Variants in FAR2 observed in about 807,000 individuals in gnomAD.
FAR2 encodes fatty acyl-CoA reductase 2, also known as epididymis secretory protein Li 81.
FAR2 carries 19 observed loss-of-function variants against 56.0 expected under a neutral mutation model. The ratio of observed to expected loss-of-function variants is 0.34; its 90% CI spans 0.24 to 0.50. The LOEUF is 0.50. Ranked by LOEUF, FAR2 falls within the 20% of genes least tolerant of loss-of-function variation. The pLI, the probability that FAR2 is intolerant of heterozygous loss-of-function variation, is 0.98. For missense variants in FAR2, 508 were observed against 642.2 expected (o/e 0.79, Z 2.26); for synonymous variants, 219 against 218.8 (o/e 1.00, Z -0.01).
At chr12:29,281,889 A>C (rs1317300461) in intron 2 of FAR2, among the ~76,000 whole-genome samples, 1 of 152,184 alleles carries the variant, frequency 6.6e-6, no homozygotes, top group African/African-American at 2.4e-5. Context: ...TTGGGTAATA[A>C]ATTTGTTATT....
chr12:29,191,221 A>G (rs1367050037), intron 1 of FAR2, among the ~76,000 whole-genome samples: 1 of 152,242 alleles, frequency 6.6e-6, no homozygotes, highest in African/African-American at 2.4e-5. Flanking sequence ...TCAGATAAAC[A>G]GGCCAGATCT....
chr12:29,199,872 G>A (rs182965586), intron 1 of FAR2, among the ~76,000 whole-genome samples: 4 of 152,272 alleles, frequency 2.6e-5, no homozygotes, highest in Admixed American at 2.0e-4. Flanking sequence ...TAAGATGGTG[G>A]CATTAATCAG....
intron 1 of FAR2, among the ~76,000 whole-genome samples, chr12:29,263,364 C>T (rs1948456761): frequency 6.6e-6 from 1 of 152,120 alleles, no homozygotes; most frequent in Non-Finnish European, 1.5e-5. Context: ...CTCCTCAGAA[C>T]ATGGATCATT....
intron 2 of FAR2, 150 bp downstream of exon 2, chr12:29,270,788 G>A (rs986715513): frequency 1.0e-5 from 6 of 583,024 alleles, no homozygotes; most frequent in Non-Finnish European, 1.3e-5. Flanking sequence ...GCAACAAGCT[G>A]CTGGTGGAAA....
chr12:29,301,315 C>T (rs1298963407), intron 4 of FAR2, among the ~76,000 whole-genome samples: 1 of 152,164 alleles, frequency 6.6e-6, no homozygotes, highest in African/African-American at 2.4e-5. Flanking sequence ...ATCCCAGCCA[C>T]CGGTTCCCAT....
intron 1 of FAR2, among the ~76,000 whole-genome samples, chr12:29,213,320 A>G (rs1591856480): frequency 1.3e-5 from 2 of 152,162 alleles, no homozygotes; most frequent in African/African-American, 2.4e-5. Context: ...GCCATAGAAC[A>G]TTAATAGAAA....
At chr12:29,174,513 C>T (rs1045677894) in intron 1 of FAR2, among the ~76,000 whole-genome samples, 2 of 145,314 alleles carry the variant, frequency 1.4e-5, no homozygotes, top group Admixed American at 1.4e-4. Context: ...CTCGGCCTCC[C>T]CAGTTCATGC....
intron 8 of FAR2, among the ~76,000 whole-genome samples, 189 bp downstream of exon 8, chr12:29,312,139 G>A (rs1386764330): frequency 6.6e-6 from 1 of 152,178 alleles, no homozygotes; most frequent in Non-Finnish European, 1.5e-5. Flanking sequence ...AAAGAAAGGA[G>A]TCAGTGGCAA....
Position 29,335,145 on chromosome 12 carries a change from A to G in FAR2, c.*1351A>G, listed in dbSNP as rs1949778500. On this transcript the variant is annotated 3_prime_UTR_variant, in exon 12 of 12. Transcript: ENST00000536681. Reference sequence around the variant, plus strand: ...GCATAAAATGTTAATAAAGAATGGCAGTTATATTTATGCTCACTTCCTGGA... The same window carrying G: ...GCATAAAATGTTAATAAAGAATGGCGGTTATATTTATGCTCACTTCCTGGA... The G allele has an allele frequency of 6.6e-6, 1 of 152,220 alleles. No individual in the cohort carries two copies. Among genetic ancestry groups the G allele is most frequent in the African/African-American group, 2.4e-5 (1 of 41,468 alleles). The allele number at this position is 152,220 out of a possible 1,614,324, so 9.4% of individuals were successfully genotyped here. A position where few individuals can be genotyped will look rare whatever the true frequency, so the allele number is the denominator to read the frequency against.
At chr12:29,186,685 A>T (rs1950043449) in intron 1 of FAR2, among the ~76,000 whole-genome samples, 1 of 152,052 alleles carries the variant, frequency 6.6e-6, no homozygotes. Context: ...TTCATTATTT[A>T]TGTAGGATAG....
intron 1 of FAR2, among the ~76,000 whole-genome samples, chr12:29,195,340 G>A (rs192804191): frequency 6.6e-6 from 1 of 152,250 alleles, no homozygotes; most frequent in Non-Finnish European, 1.5e-5. Flanking sequence ...TAACAAACTG[G>A]ATGACAGTGT....
intron 1 of FAR2, among the ~76,000 whole-genome samples, chr12:29,176,841 GAAAA>G (rs58670584): frequency 0.48 from 72,059 of 151,682 alleles, 18,307 homozygotes; most frequent in Admixed American, 0.61. Flanking sequence ...GGAGAAAAGG[GAAAA>G]AAAGGAAACT....
At chr12:29,316,630 G>C (rs956193566) in intron 8 of FAR2, among the ~76,000 whole-genome samples, 2 of 152,106 alleles carry the variant, frequency 1.3e-5, no homozygotes, top group African/African-American at 4.8e-5. Context: ...TTCAACTAAA[G>C]AATCCAATTA....
At chr12:29,266,179 A>G (rs1482072095) in intron 1 of FAR2, among the ~76,000 whole-genome samples, 1 of 152,208 alleles carries the variant, frequency 6.6e-6, no homozygotes, top group Non-Finnish European at 1.5e-5. Flanking sequence ...ATGAAAGGAA[A>G]TCAGTGTATC....
rs1199416070 is a variant in FAR2 at position 29,175,439 on chromosome 12, AGGTG to A, written c.-39+26034_-39+26037del. On this transcript the variant is annotated intron_variant, in intron 1 of 11. Coordinates refer to ENST00000536681, the MANE Select transcript of FAR2 (RefSeq NM_001271783.2). ...TCACGGCAAGTGTTACAGCTCTTAA[AGGTG>A]GTGTGGACCCAAAGAGTGAGCAGCA... Among the ~76,000 whole-genome samples, 3 of 152,348 alleles carry A rather than the reference AGGTG, an allele frequency of 2.0e-5. No individual in the cohort carries two copies. In the East Asian group the frequency reaches 5.8e-4, roughly 29 times the overall value.
At chr12:29,238,024 C>T (rs1947967294) in intron 1 of FAR2, among the ~76,000 whole-genome samples, 1 of 152,046 alleles carries the variant, frequency 6.6e-6, no homozygotes, top group African/African-American at 2.4e-5. Flanking sequence ...CAAGATAGGC[C>T]ACTGGATTTT....
intron 1 of FAR2, among the ~76,000 whole-genome samples, chr12:29,253,388 T>C (rs961827985): frequency 6.9e-6 from 1 of 145,426 alleles, no homozygotes; most frequent in Non-Finnish European, 1.5e-5. Context: ...GATAGATAGA[T>C]AGATATCTAG....
At chr12:29,301,872 T>C (rs1015621673) in intron 4 of FAR2, 1 of 152,190 alleles carries the variant, frequency 6.6e-6, no homozygotes, top group Non-Finnish European at 1.5e-5. Flanking sequence ...TTTTTATCCA[T>C]GGCCACTTGA....
At chr12:29,331,928 A>G (rs1949737220) in intron 10 of FAR2, 1 of 152,236 alleles carries the variant, frequency 6.6e-6, no homozygotes, top group African/African-American at 2.4e-5. Context: ...GATACCTTAA[A>G]AATTTTTTAA....
Sources: gnomAD v4.1 joint callset for allele counts (sites outside exome capture counted in the v4.1 genomes callset) on GRCh38, gnomAD v4.1.1 for gene constraint, MANE v1.5 for transcripts, NCBI Gene and HGNC (gene_info 2026-07-23, HGNC 2026-07-21) for gene names.